MYH11: variants seen among roughly 807,000 people sequenced by gnomAD.
The protein encoded by MYH11 is myosin heavy chain 11.
A neutral mutation model predicts 246.6 loss-of-function variants in MYH11; 80 were observed. That is an observed-to-expected ratio of 0.32 (90% confidence interval 0.27 to 0.39). The LOEUF (loss-of-function observed/expected upper bound fraction) is 0.39. Ranked by LOEUF, MYH11 falls within the 10% of genes least tolerant of loss-of-function variation. MYH11 has a pLI of 1.00. For synonymous variants in MYH11, 1,071 were observed against 1,015.5 expected (o/e 1.05, Z -1.04); for missense variants, 2,158 against 2,546.8 (o/e 0.85, Z 3.29).
At chr16:15,725,927 G>A (rs1422985052) in intron 28 of MYH11, 2 of 375,164 alleles carry the variant, frequency 5.3e-6, no homozygotes, top group East Asian at 7.6e-5. Flanking sequence ...CTGGGTACAA[G>A]CTCCCCCTCC....
chr16:15,763,760 C>CCCCCAA, intron 10 of MYH11, 36 bp downstream of exon 10: 19 of 1,192,034 alleles, frequency 1.6e-5, no homozygotes, highest in Non-Finnish European at 2.0e-5. Context: ...CCCCCAACCC[C>CCCCCAA]AAAGTCATTG....
chr16:15,720,716 G>C, intron 33 of MYH11, 123 bp downstream of exon 33: 1 of 1,100,458 alleles, frequency 9.1e-7, no homozygotes, highest in South Asian at 1.3e-5. Context: ...CTGGGCGACA[G>C]AGCGAGACTC....
rs118080052 is a variant in MYH11 at position 15,799,206 on chromosome 16, T to A, written c.503-519A>T. ...CCTGTGGTCCTTGAGGTTTCCCCCATCACCCCTACCGTCATGTACAGTCTT... is the reference window on the plus strand; with the variant it reads ...CCTGTGGTCCTTGAGGTTTCCCCCAACACCCCTACCGTCATGTACAGTCTT... On this transcript the variant is annotated intron_variant, in intron 3 of 40. Transcript: ENST00000300036. Among the ~76,000 whole-genome samples, 791 of 152,280 alleles carry A rather than the reference T, an allele frequency of 5.2e-3. 4 individuals carry two copies. The highest frequency in any genetic ancestry group is 8.2e-3 in the Non-Finnish European group (557 of 68,020).
At chr16:15,760,220 G>T (rs965653053) in intron 11 of MYH11, among the ~76,000 whole-genome samples, 87 of 151,912 alleles carry the variant, frequency 5.7e-4, no homozygotes, top group Middle Eastern at 3.2e-3. Context: ...ATGAATGAAT[G>T]AATGGAATGA....
At position 15,720,834 on chromosome 16, in the gene MYH11, C is replaced by G; in HGVS notation, c.4791+5G>C. Reference sequence around the variant, plus strand: ...CCCTCTGCTGGCCTCCCCGGCAGCACGCACCTGTCTCTGCAGTTGCCTCCT... The same window carrying G: ...CCCTCTGCTGGCCTCCCCGGCAGCAGGCACCTGTCTCTGCAGTTGCCTCCT... On this transcript the variant is annotated splice_donor_5th_base_variant and intron_variant, in intron 33 of 40. Transcript: ENST00000300036. The G allele has an allele frequency of 6.2e-7, 1 of 1,613,136 alleles. No individual in the cohort carries two copies. The highest frequency in any genetic ancestry group is 8.5e-7 in the Non-Finnish European group (1 of 1,179,946).
In MYH11 at chr16:15,752,562, C is replaced by G. The variant is rs879135678; in HGVS notation, c.1864+832G>C. Among the ~76,000 whole-genome samples, 6 of 152,068 alleles carry G rather than the reference C, an allele frequency of 3.9e-5. No homozygotes were observed. In the South Asian group the frequency reaches 8.3e-4, roughly 21 times the overall value. On this transcript the variant is annotated intron_variant, in intron 15 of 40. Transcript: ENST00000300036. ...TGCAGAATTAGATCTTAGGGTAGGC[C>G]CAGCCATCTGGGTTTTAAAAAGCCC...
intron 2 of MYH11, among the ~76,000 whole-genome samples, chr16:15,827,291 G>T (rs1265135780): frequency 6.6e-6 from 1 of 152,174 alleles, no homozygotes; most frequent in East Asian, 1.9e-4. Context: ...CACATTGGGG[G>T]TGGTCAGGGA....
intron 27 of MYH11, 78 bp downstream of exon 27, chr16:15,732,486 C>T: frequency 6.3e-7 from 1 of 1,597,008 alleles, no homozygotes; most frequent in East Asian, 2.2e-5. Flanking sequence ...TTTATGCAGA[C>T]CCTGACCTGT....
At chr16:15,789,633 T>C (rs17214007) in intron 4 of MYH11, among the ~76,000 whole-genome samples, 18,783 of 152,186 alleles carry the variant, frequency 0.12, 1,586 homozygotes, top group Non-Finnish European at 0.17. Flanking sequence ...TTCTGCCATA[T>C]ATTCCAGGAG....
chr16:15,853,768 A>G (rs1000421045), intron 1 of MYH11, among the ~76,000 whole-genome samples: 34 of 152,156 alleles, frequency 2.2e-4, no homozygotes, highest in Admixed American at 2.1e-3. Context: ...CACGCCTGTA[A>G]TCTGAGCACT....
At chr16:15,729,226 G>C (rs922190000) in intron 27 of MYH11, among the ~76,000 whole-genome samples, 3 of 152,114 alleles carry the variant, frequency 2.0e-5, no homozygotes, top group African/African-American at 7.2e-5. Context: ...CAAACCGCAC[G>C]AGGGCCTGGG....
chr16:15,833,397 A>AGGAAGGG (rs1567208211), intron 2 of MYH11, among the ~76,000 whole-genome samples: 2 of 116,888 alleles, frequency 1.7e-5, no homozygotes, highest in African/African-American at 6.8e-5. Flanking sequence ...GGAAGGAAGG[A>AGGAAGGG]AGGAAGGAAG....
chr16:15,721,701 C>G (rs2040495307), intron 31 of MYH11, 67 bp from the exon 32 acceptor site: 3 of 1,540,358 alleles, frequency 1.9e-6, no homozygotes, highest in Non-Finnish European at 2.7e-6. Context: ...ATTGTAAATA[C>G]CGGGGGAAGC....
intron 30 of MYH11, 49 bp from the exon 31 acceptor site, chr16:15,724,458 C>A: frequency 1.2e-6 from 2 of 1,611,202 alleles, no homozygotes; most frequent in South Asian, 1.1e-5. Flanking sequence ...CATGAGTGGC[C>A]CCTGTCCCTG....
Position 15,771,679 on chromosome 16 carries a change from G to C in MYH11, c.923C>G (p.Thr308Ser). 1 of 1,614,112 alleles carries C rather than the reference G, an allele frequency of 6.2e-7. No homozygotes were observed. The highest frequency in any genetic ancestry group is 1.1e-5 in the South Asian group (1 of 91,086). The change falls in exon 9 of 41, where the codon ACC becomes AGC. Residue 308 changes from threonine (T) to serine (S), a missense_variant. By Grantham distance (58) the Thr-to-Ser change is moderately conservative. This residue lies in a region of MYH11 where 75 missense variants were observed against 70.0 expected (regional missense o/e 1.07). Transcript: ENST00000300036. ...DLLLEGFNNY[T>S]FLSNGFVPIP... ...GGGCACAAAGCCATTGGAGAGGAAG[G>C]TGTAGTTGTTGAAGCCCTCCAAAAG...
chr16:15,715,674 G>A (rs1332894671), intron 38 of MYH11, among the ~76,000 whole-genome samples: 1 of 152,128 alleles, frequency 6.6e-6, no homozygotes, highest in African/African-American at 2.4e-5. Flanking sequence ...ACCCAGGTTG[G>A]AGTGCAGTGG....
intron 9 of MYH11, among the ~76,000 whole-genome samples, chr16:15,764,630 G>A (rs1308770125): frequency 3.9e-5 from 6 of 152,326 alleles, no homozygotes; most frequent in African/African-American, 1.4e-4. Flanking sequence ...TCAGGATAAT[G>A]ATTATCCTTA....
intron 7 of MYH11, among the ~76,000 whole-genome samples, chr16:15,776,776 C>T (rs916528253): frequency 6.6e-5 from 10 of 152,140 alleles, no homozygotes; most frequent in African/African-American, 9.7e-5. Context: ...ACCGTAAACA[C>T]GCCACACTAA....
At chr16:15,734,602 A>AT (rs906843220) in intron 26 of MYH11, among the ~76,000 whole-genome samples, 24 of 151,828 alleles carry the variant, frequency 1.6e-4, no homozygotes, top group Admixed American at 2.6e-4. Context: ...CCTAAAGGTG[A>AT]TTTTTTTTTA....
Sources: gnomAD v4.1 joint callset for allele counts (sites outside exome capture counted in the v4.1 genomes callset) on GRCh38, gnomAD v4.1.1 for gene constraint, gnomAD v4.1.1 regional missense constraint, MANE v1.5 for transcripts, NCBI Gene and HGNC (gene_info 2026-07-23, HGNC 2026-07-21) for gene names.